The following SLCO3A1 variants were observed in gnomAD, a reference collection of about 807,000 sequenced individuals.
SLCO3A1 encodes PGE1 transporter.
SLCO3A1 carries 27 observed loss-of-function variants against 63.1 expected under a neutral mutation model. That is an observed-to-expected ratio of 0.43 (90% CI 0.32 to 0.59). SLCO3A1 has a LOEUF of 0.59. Among genes scored for constraint, SLCO3A1 ranks in the 20% least tolerant of loss-of-function variants. The pLI is 0.09. For missense variants in SLCO3A1, 773 were observed against 945.8 expected (o/e 0.82, Z 2.40); for synonymous variants, 473 against 409.9 (o/e 1.15, Z -1.86).
chr15:92,070,688 T>C (rs1041414009), intron 2 of SLCO3A1, among the ~76,000 whole-genome samples: 9 of 151,634 alleles, frequency 5.9e-5, no homozygotes, highest in Non-Finnish European at 1.0e-4. Flanking sequence ...GGAAATGATA[T>C]TCGGGATTTG....
intron 1 of SLCO3A1, among the ~76,000 whole-genome samples, chr15:91,877,967 G>A (rs1279257870): frequency 6.6e-6 from 1 of 152,044 alleles, no homozygotes; most frequent in African/African-American, 2.4e-5. Context: ...GAATCTCAGG[G>A]CTTTCCTTAG....
At chr15:91,913,360 G>A (rs371541570) in intron 1 of SLCO3A1, among the ~76,000 whole-genome samples, 1 of 152,194 alleles carries the variant, frequency 6.6e-6, no homozygotes, top group African/African-American at 2.4e-5. Flanking sequence ...TTAGCCCCGC[G>A]CTGCTCACTG....
chr15:92,171,581 CAA>C (rs2048521702), intron 10 of SLCO3A1: 2 of 537,938 alleles, frequency 3.7e-6, no homozygotes, highest in East Asian at 6.1e-5. Flanking sequence ...ATTTGGCCTT[CAA>C]AAAAGTCTCT....
In SLCO3A1 at chr15:91,882,929, T is replaced by A. The variant is rs1897629567; in HGVS notation, c.180+28841T>A. On this transcript the variant is annotated intron_variant, in intron 1 of 9. Transcript: ENST00000318445. This position sits in a 1 kb window ranked among gnomAD's most constrained non-coding sequence, Gnocchi z 4.4. ...ACCTTGGTGTCCCAAAGAGATGTAA[T>A]ATCACCTTGTTCTTTAAGAAGTTGG... 6.6e-6 allele frequency among the ~76,000 whole-genome samples: 1 copy of A among 152,128 alleles called. No homozygotes were observed. The highest frequency in any genetic ancestry group is 2.4e-5 in the African/African-American group (1 of 41,424).
At chr15:91,992,182 G>A (rs995356903) in intron 2 of SLCO3A1, among the ~76,000 whole-genome samples, 3 of 152,214 alleles carry the variant, frequency 2.0e-5, no homozygotes, top group East Asian at 1.9e-4. Flanking sequence ...GTCAAGGTGA[G>A]TGTTTTGTCT....
intron 1 of SLCO3A1, among the ~76,000 whole-genome samples, chr15:91,858,981 C>G (rs1433125889): frequency 6.6e-6 from 1 of 152,234 alleles, no homozygotes; most frequent in African/African-American, 2.4e-5. Context: ...AGTTCCAACT[C>G]GCGCAGATTT....
At chr15:91,873,468 C>T (rs1897324026) in intron 1 of SLCO3A1, among the ~76,000 whole-genome samples, 1 of 151,974 alleles carries the variant, frequency 6.6e-6, no homozygotes, top group Admixed American at 6.6e-5. Context: ...CATGTACTCA[C>T]CACCTAGGAC....
At chr15:91,936,454 A>T (rs1322469688) in intron 2 of SLCO3A1, among the ~76,000 whole-genome samples, 4 of 152,212 alleles carry the variant, frequency 2.6e-5, no homozygotes, top group Admixed American at 2.6e-4. Context: ...AGCATTTTGG[A>T]GACTGTAGAT....
chr15:92,016,114 A>C (rs751743056), intron 2 of SLCO3A1, among the ~76,000 whole-genome samples: 20 of 152,036 alleles, frequency 1.3e-4, no homozygotes, highest in Non-Finnish European at 2.6e-4. Context: ...CATTCTGGAC[A>C]GGAAGATGAT....
Position 92,033,678 on chromosome 15 carries a change from G to GCT in SLCO3A1, c.647-61203_647-61202insCT, listed in dbSNP as rs1260559916. Among the ~76,000 whole-genome samples, 1 of 152,202 alleles carries GCT rather than the reference G, an allele frequency of 6.6e-6. No homozygotes were observed. ...CATATTCCAGTGAGGGAGAGAGACA[G>GCT]TAAACAATATAACTAAGAAGAGTAG... On this transcript the variant is annotated intron_variant, in intron 2 of 9. Coordinates refer to ENST00000318445, the MANE Select transcript of SLCO3A1 (RefSeq NM_013272.4). The surrounding 1 kb of genome is among the most constrained non-coding windows in gnomAD (Gnocchi z 4.5).
chr15:92,000,841 C>T (rs559489146), intron 2 of SLCO3A1, among the ~76,000 whole-genome samples: 11 of 152,276 alleles, frequency 7.2e-5, no homozygotes, highest in African/African-American at 1.9e-4. Context: ...CACGCTTGTA[C>T]GCTTGTATTC....
At chr15:92,116,329 A>G (rs531792727) in intron 4 of SLCO3A1, among the ~76,000 whole-genome samples, 23 of 152,194 alleles carry the variant, frequency 1.5e-4, no homozygotes, top group Non-Finnish European at 2.8e-4. Flanking sequence ...GGAATCTCTT[A>G]AAGACTAGCA....
intron 2 of SLCO3A1, among the ~76,000 whole-genome samples, chr15:92,077,002 T>G (rs2151519798): frequency 6.6e-6 from 1 of 152,240 alleles, no homozygotes; most frequent in South Asian, 2.1e-4. Context: ...ATCAGGAAAC[T>G]TACAATCATG....
At chr15:92,100,687 G>A (rs747277856) in intron 3 of SLCO3A1, among the ~76,000 whole-genome samples, 6 of 152,162 alleles carry the variant, frequency 3.9e-5, no homozygotes, top group African/African-American at 1.4e-4. Context: ...TGAGACTGCT[G>A]TTCTTATAGA....
At chr15:92,062,101 C>T (rs1480749991) in intron 2 of SLCO3A1, among the ~76,000 whole-genome samples, 2 of 152,238 alleles carry the variant, frequency 1.3e-5, no homozygotes, top group Non-Finnish European at 2.9e-5. Flanking sequence ...AAACCCTGAA[C>T]ACTGGGGAAA....
chr15:92,013,717 T>C (rs1488582245), intron 2 of SLCO3A1, among the ~76,000 whole-genome samples: 1 of 152,216 alleles, frequency 6.6e-6, no homozygotes, highest in African/African-American at 2.4e-5. Flanking sequence ...TCATGGCATC[T>C]AAAAGGCCCT....
At chr15:91,921,599 T>C (rs1898847241) in intron 2 of SLCO3A1, among the ~76,000 whole-genome samples, 1 of 152,114 alleles carries the variant, frequency 6.6e-6, no homozygotes, top group Non-Finnish European at 1.5e-5. Flanking sequence ...TGTGGCAAAA[T>C]ACAGGAAAGT....
rs1351236944 is a variant in SLCO3A1, at chr15:92,164,657, G to A, written c.*1522G>A. 4 of 985,290 alleles carry A rather than the reference G, an allele frequency of 4.1e-6. No homozygotes were observed. The highest frequency in any genetic ancestry group is 6.1e-5 in the Admixed American group (1 of 16,268). The allele number at this position is 985,290 out of a possible 1,614,324, so 61.0% of individuals were successfully genotyped here. On this transcript the variant is annotated 3_prime_UTR_variant, in exon 10 of 10. Coordinates refer to ENST00000318445, the MANE Select transcript of SLCO3A1 (RefSeq NM_013272.4). ...CCCACAAGCTCCTGGAAGCTGTCGT[G>A]TGTCCAATGCGTGAAAATGTCTGTG...
chr15:92,052,052 G>A lies in SLCO3A1; in HGVS notation c.647-42829G>A, dbSNP rs115134237. ...CTAATCCCCGGGCTCCAGGGTTCTC[G>A]AATTCAGAGCAAAAGTGGTACTCCA... On this transcript the variant is annotated intron_variant, in intron 2 of 9. Transcript: ENST00000318445. 4.3e-3 allele frequency among the ~76,000 whole-genome samples: 658 copies of A among 152,220 alleles called. 6 individuals carry two copies. The highest frequency in any genetic ancestry group is 0.015 in the African/African-American group (632 of 41,524).
Sources: allele counts gnomAD v4.1 joint callset (sites outside exome capture counted in the v4.1 genomes callset), GRCh38; gene constraint gnomAD v4.1.1; non-coding constraint Gnocchi (gnomAD v3.1); transcripts MANE v1.5; gene names NCBI Gene and HGNC (gene_info 2026-07-23, HGNC 2026-07-21).